The following PTPN13 variants were observed in gnomAD, a reference collection of about 807,000 sequenced individuals.
PTPN13 encodes the protein protein tyrosine phosphatase non-receptor type 13.
A neutral mutation model predicts 284.0 loss-of-function variants in PTPN13; 191 were observed. The observed-to-expected ratio is 0.67, with a 90% CI of 0.60 to 0.76. PTPN13 has a LOEUF of 0.76. PTPN13 is among the 30% of genes least tolerant of loss of function. PTPN13 has a pLI of 0.00. For missense variants in PTPN13, 2,797 were observed against 2,939.9 expected (o/e 0.95, Z 1.12); for synonymous variants, 986 against 1,022.3 (o/e 0.96, Z 0.68).
In PTPN13 at chr4:86,655,833, G is replaced by A. The variant is rs1472788436; in HGVS notation, c.116-16532G>A. Among the ~76,000 whole-genome samples the A allele has an allele frequency of 2.6e-5, 4 of 152,302 alleles. No homozygotes were observed. The East Asian group carries it at 5.8e-4, about 22-fold the overall frequency. On this transcript the variant is annotated intron_variant, in intron 2 of 47. Transcript: ENST00000411767. ...GTTCTCCTGGATAATATCCTGCAGA[G>A]TGTTTTCCAACTTGGTTCCATTCTC...
At chr4:86,727,684 T>C (rs1345638778) in intron 10 of PTPN13, among the ~76,000 whole-genome samples, 1 of 149,504 alleles carries the variant, frequency 6.7e-6, no homozygotes, top group South Asian at 2.1e-4. Context: ...TTTTATTGTG[T>C]CTATTTGATT....
intron 5 of PTPN13, among the ~76,000 whole-genome samples, chr4:86,690,953 A>G (rs1459351920): frequency 6.6e-6 from 1 of 152,310 alleles, no homozygotes; most frequent in East Asian, 1.9e-4. Flanking sequence ...CTAAAATGCC[A>G]TAACCATTTG....
chr4:86,744,044 G>T (rs1199633657), intron 16 of PTPN13, among the ~76,000 whole-genome samples: 1 of 152,130 alleles, frequency 6.6e-6, no homozygotes, highest in African/African-American at 2.4e-5. Flanking sequence ...TTCCACAAAA[G>T]ACATTCAGTT....
intron 42 of PTPN13, among the ~76,000 whole-genome samples, chr4:86,801,768 A>C (rs1306128058): frequency 6.6e-6 from 1 of 152,198 alleles, no homozygotes; most frequent in Non-Finnish European, 1.5e-5. Context: ...ATGCTTATGT[A>C]GAAATACTGG....
chr4:86,661,017 A>G (rs2148849349), intron 2 of PTPN13: 1 of 411,102 alleles, frequency 2.4e-6, no homozygotes, highest in African/African-American at 2.1e-5. Context: ...GAGGTATAAC[A>G]TATATTGCAA....
At chr4:86,649,439 G>A (rs145587050) in intron 2 of PTPN13, among the ~76,000 whole-genome samples, 12 of 152,086 alleles carry the variant, frequency 7.9e-5, no homozygotes, top group African/African-American at 1.7e-4. Context: ...TTCATTCTTC[G>A]ACATATGGAT....
Position 86,693,584 on chromosome 4 carries a change from C to T in PTPN13, c.547-3C>T. ...AACTTGATTTTTTATTACCTGTGTA[C>T]AGACAGATCAGCTTTCCTGTAACAG... is the stretch of plus-strand genomic sequence containing the variant. On this transcript the variant is annotated splice_region_variant and splice_polypyrimidine_tract_variant and intron_variant, in intron 5 of 47. Coordinates refer to ENST00000411767, the MANE Select transcript of PTPN13 (RefSeq NM_080683.3). The T allele has an allele frequency of 6.5e-7, 1 of 1,541,814 alleles. No homozygotes were observed. Among genetic ancestry groups the T allele is most frequent in the Non-Finnish European group, 8.8e-7 (1 of 1,138,844 alleles).
chr4:86,795,283 A>G (rs972096113), intron 40 of PTPN13, among the ~76,000 whole-genome samples: 9 of 152,368 alleles, frequency 5.9e-5, no homozygotes, highest in African/African-American at 2.2e-4. Flanking sequence ...CAGACATATG[A>G]AAAAATGCTC....
chr4:86,745,458 C>T (rs1736636444), intron 17 of PTPN13, among the ~76,000 whole-genome samples: 1 of 152,146 alleles, frequency 6.6e-6, no homozygotes, highest in African/African-American at 2.4e-5. Flanking sequence ...GACCAACATG[C>T]TTGAAACAGC....
intron 40 of PTPN13, among the ~76,000 whole-genome samples, chr4:86,788,503 T>C (rs1393454742): frequency 1.3e-5 from 2 of 152,214 alleles, no homozygotes; most frequent in Non-Finnish European, 1.5e-5. Flanking sequence ...TACAAAAGTA[T>C]AGGAATATCT....
rs185509964 is a variant in PTPN13 at position 86,730,296 on chromosome 4, C to T, written c.1609-2104C>T. 3.1e-4 allele frequency among the ~76,000 whole-genome samples: 47 copies of T among 149,622 alleles called. 2 individuals carry two copies. The highest frequency in any genetic ancestry group is 6.9e-3 in the Middle Eastern group (2 of 290). On this transcript the variant is annotated intron_variant, in intron 10 of 47. Transcript: ENST00000411767. ...GCTACAGGGGTCATGGACCCATTCTCAGAGCTCAAACGCCATGCTGGGAGA... is the reference window on the plus strand; with the variant it reads ...GCTACAGGGGTCATGGACCCATTCTTAGAGCTCAAACGCCATGCTGGGAGA...
chr4:86,684,520 T>C (rs1402905236), intron 3 of PTPN13, among the ~76,000 whole-genome samples: 1 of 152,150 alleles, frequency 6.6e-6, no homozygotes, highest in Admixed American at 6.5e-5. Context: ...TTTGAATGTT[T>C]AAAAATTGAG....
intron 1 of PTPN13, among the ~76,000 whole-genome samples, chr4:86,623,103 T>C (rs766208272): frequency 6.6e-6 from 1 of 152,150 alleles, no homozygotes; most frequent in Non-Finnish European, 1.5e-5. Context: ...AATGTCTCAA[T>C]GTTTTTATGT....
chr4:86,781,353 A>G (rs953145456), intron 36 of PTPN13, among the ~76,000 whole-genome samples: 1 of 152,326 alleles, frequency 6.6e-6, no homozygotes, highest in Non-Finnish European at 1.5e-5. Flanking sequence ...TTATATTTAA[A>G]TATGTGATGT....
chr4:86,759,823 G>T (rs1379335150), intron 23 of PTPN13, among the ~76,000 whole-genome samples: 3 of 152,134 alleles, frequency 2.0e-5, no homozygotes, highest in African/African-American at 7.2e-5. Flanking sequence ...TAAAGAATGA[G>T]CACATTGCCT....
intron 14 of PTPN13, 49 bp downstream of exon 14, chr4:86,734,924 C>T (rs1051407093): frequency 2.1e-5 from 33 of 1,573,162 alleles, no homozygotes; most frequent in Non-Finnish European, 2.8e-5. Context: ...GTGTTGTTAC[C>T]TTTAACATAG....
At chr4:86,732,842 C>G (rs1484886393) in intron 12 of PTPN13, 76 bp downstream of exon 12, 1 of 1,287,544 alleles carries the variant, frequency 7.8e-7, no homozygotes, top group Non-Finnish European at 1.1e-6. Flanking sequence ...TGTTACCATG[C>G]CTGACCTCAT....
rs1728470830 is a variant in PTPN13 at position 86,677,876 on chromosome 4, A to G, written c.294+5333A>G. ...GTATATCATCTTAACTTGAAGGAAT[A>G]ACTCTTAAGATGGAAATTTAGCCCC... is the stretch of plus-strand genomic sequence containing the variant. On this transcript the variant is annotated intron_variant, in intron 3 of 47. Coordinates refer to ENST00000411767, the MANE Select transcript of PTPN13 (RefSeq NM_080683.3). 2.0e-5 allele frequency among the ~76,000 whole-genome samples: 3 copies of G among 152,162 alleles called. No individual in the cohort carries two copies. In the South Asian group the frequency reaches 6.2e-4, roughly 32 times the overall value.
At chr4:86,726,742 A>G (rs1386832549) in intron 10 of PTPN13, among the ~76,000 whole-genome samples, 1 of 149,386 alleles carries the variant, frequency 6.7e-6, no homozygotes, top group Admixed American at 6.7e-5. Context: ...TAAATATACA[A>G]TTATGTCATC....
Sources: gnomAD v4.1 joint callset for allele counts (sites outside exome capture counted in the v4.1 genomes callset) on GRCh38, gnomAD v4.1.1 for gene constraint, MANE v1.5 for transcripts, NCBI Gene and HGNC (gene_info 2026-07-23, HGNC 2026-07-21) for gene names.